Variants in PACS1 observed in about 807,000 individuals in gnomAD.
The protein encoded by PACS1 is PACS-1.
A neutral mutation model predicts 115.0 loss-of-function variants in PACS1; 24 were observed. The observed-to-expected ratio is 0.21, with a 90% CI of 0.15 to 0.29. The LOEUF (loss-of-function observed/expected upper bound fraction) is 0.29. PACS1 is among the 10% of genes least tolerant of loss of function. The probability of loss-of-function intolerance (pLI) is 1.00; values close to 1 mark genes in which losing one functional copy is unlikely to be tolerated. For missense variants in PACS1, 838 were observed against 1,251.2 expected (o/e 0.67, Z 4.98); for synonymous variants, 453 against 504.5 (o/e 0.90, Z 1.37).
intron 1 of PACS1, among the ~76,000 whole-genome samples, chr11:66,125,840 G>A (rs1267401883): frequency 2.0e-5 from 3 of 152,148 alleles, no homozygotes; most frequent in African/African-American, 7.2e-5. Flanking sequence ...GGGAGTTCAA[G>A]ACCAGCCTGG....
rs398045238 is a variant in PACS1, at chr11:66,236,765, A to ATTT, written c.2250+835_2250+837dup. Among the ~76,000 whole-genome samples the ATTT allele has an allele frequency of 5.0e-4, 74 of 147,052 alleles. No individual in the cohort carries two copies. The highest frequency in any genetic ancestry group is 7.2e-4 in the Non-Finnish European group (48 of 66,416). On this transcript the variant is annotated intron_variant, in intron 19 of 23. Coordinates refer to ENST00000320580, the MANE Select transcript of PACS1 (RefSeq NM_018026.4). The surrounding 1 kb of genome is among the most constrained non-coding windows in gnomAD (Gnocchi z 4.2). Reference sequence around the variant, plus strand: ...AAACCAGCTTCTATCTTTTTTTATTATTTTTTTTTTTTATGAGATGGAGTC... The same window carrying ATTT: ...AAACCAGCTTCTATCTTTTTTTATTATTTTTTTTTTTTTTTATGAGATGGAGTC...
chr11:66,123,516 TTTTA>T (rs906772105), intron 1 of PACS1, among the ~76,000 whole-genome samples: 5 of 151,092 alleles, frequency 3.3e-5, no homozygotes, highest in African/African-American at 4.9e-5. Flanking sequence ...TATTTTTTTA[TTTTA>T]TTTATTTATT....
chr11:66,070,863 CG>C lies in PACS1; in HGVS notation c.356+25del. The C allele has an allele frequency of 7.0e-7, 1 of 1,430,406 alleles. No individual in the cohort carries two copies. Among genetic ancestry groups the C allele is most frequent in the Non-Finnish European group, 9.1e-7 (1 of 1,101,234 alleles). 88.6% of individuals were successfully genotyped at this position (1,430,406 alleles called of 1,614,324 possible). ...CCTAGGTGAGCGCGGGAGGGTGCGG[CG>C]GGGCGCCGGGGGAGCGGGGTGGCCG... On this transcript the variant is annotated intron_variant, in intron 1 of 23. Transcript: ENST00000320580. The surrounding 1 kb of genome is among the most constrained non-coding windows in gnomAD (Gnocchi z 5.9).
chr11:66,158,449 A>G (rs767835785), intron 1 of PACS1, among the ~76,000 whole-genome samples: 13 of 152,156 alleles, frequency 8.5e-5, no homozygotes, highest in Admixed American at 2.6e-4. Context: ...TGTAATTCCA[A>G]CACTTTGGGA....
chr11:66,119,969 C>A (rs1330822102), intron 1 of PACS1, among the ~76,000 whole-genome samples: 2 of 152,082 alleles, frequency 1.3e-5, no homozygotes, highest in East Asian at 3.9e-4. Flanking sequence ...CTGGTTCTGT[C>A]CCTTTCTGCC....
chr11:66,212,846 CTTTA>C (rs1395314712), intron 4 of PACS1, among the ~76,000 whole-genome samples: 2 of 151,970 alleles, frequency 1.3e-5, no homozygotes, highest in East Asian at 3.9e-4. Context: ...TATTAATTGG[CTTTA>C]TTTATTTATT....
At chr11:66,143,790 C>T (rs1383390894) in intron 1 of PACS1, among the ~76,000 whole-genome samples, 1 of 152,104 alleles carries the variant, frequency 6.6e-6, no homozygotes, top group Non-Finnish European at 1.5e-5. Flanking sequence ...CAGGCTCACA[C>T]CACCATGCCT....
At chr11:66,185,100 G>C (rs1318534929) in intron 1 of PACS1, among the ~76,000 whole-genome samples, 3 of 152,208 alleles carry the variant, frequency 2.0e-5, no homozygotes, top group Admixed American at 6.5e-5. Flanking sequence ...TGATCCCAAA[G>C]AGAGTCAAAG....
At chr11:66,213,565 A>G (rs1463291975) in intron 4 of PACS1, among the ~76,000 whole-genome samples, 1 of 152,242 alleles carries the variant, frequency 6.6e-6, no homozygotes, top group Non-Finnish European at 1.5e-5. Flanking sequence ...CAGAGCTGAG[A>G]AAGATCTGTC....
rs996757187 is a variant in PACS1 at position 66,097,724 on chromosome 11, G to A, written c.356+26882G>A. ...GTTCCTGTTGCCCTGTATCTCCACC[G>A]ACATTTAGTGCCTGTCTTTTAGATT... is the stretch of plus-strand genomic sequence containing the variant. On this transcript the variant is annotated intron_variant, in intron 1 of 23. Transcript: ENST00000320580. Among the ~76,000 whole-genome samples the A allele has an allele frequency of 2.6e-5, 4 of 152,304 alleles. No homozygotes were observed. In the East Asian group the frequency reaches 5.8e-4, roughly 22 times the overall value.
Position 66,227,504 on chromosome 11 carries a change from A to G in PACS1, c.1294A>G (p.Met432Val). 3.8e-6 allele frequency: 6 copies of G among 1,584,374 alleles called. No homozygotes were observed. Among genetic ancestry groups the G allele is most frequent in the Non-Finnish European group, 5.2e-6 (6 of 1,155,816 alleles). The change falls in exon 11 of 24, where the codon ATG becomes GTG. Residue 432 changes from methionine (M) to valine (V), a missense_variant and splice_region_variant. Around this residue, in one of 6 missense-constraint regions of PACS1, gnomAD observed 383 missense variants for 537.0 expected, o/e 0.71. Transcript: ENST00000320580. ...GSLGKDTTSP[M>V]ELAALEKIKS... Reference sequence around the variant, plus strand: ...TAACTAATTCTTATAATTTTTGCAGATGGAATTGGCTGCTCTAGAAAAAAT... The same window carrying G: ...TAACTAATTCTTATAATTTTTGCAGGTGGAATTGGCTGCTCTAGAAAAAAT...
chr11:66,197,431 T>A (rs1180819379), intron 2 of PACS1, among the ~76,000 whole-genome samples: 2 of 152,104 alleles, frequency 1.3e-5, no homozygotes, highest in African/African-American at 4.8e-5. Context: ...GGAAAAAAAA[T>A]TTTTACTTTG....
chr11:66,137,081 G>A (rs1048488695), intron 1 of PACS1, among the ~76,000 whole-genome samples: 2 of 147,004 alleles, frequency 1.4e-5, no homozygotes, highest in East Asian at 2.0e-4. Context: ...GGTGTTTGCC[G>A]TGCAGAAGTT....
intron 10 of PACS1, among the ~76,000 whole-genome samples, chr11:66,223,322 G>T (rs917864494): frequency 6.6e-6 from 1 of 151,846 alleles, no homozygotes; most frequent in Non-Finnish European, 1.5e-5. Context: ...TCAAACTCCT[G>T]ACCTCAGGTG....
chr11:66,079,274 C>G (rs550841726), intron 1 of PACS1, among the ~76,000 whole-genome samples: 4 of 112,580 alleles, frequency 3.6e-5, no homozygotes, highest in Non-Finnish European at 7.4e-5. Context: ...TTTTGTTCCT[C>G]TTGGTAGGTG....
chr11:66,213,937 G>A (rs1386613374), intron 4 of PACS1, among the ~76,000 whole-genome samples: 1 of 149,664 alleles, frequency 6.7e-6, no homozygotes, highest in Non-Finnish European at 1.5e-5. Context: ...GGAGGCTGAG[G>A]CAGGAGAATG....
At chr11:66,073,015 T>A (rs1393998306) in intron 1 of PACS1, among the ~76,000 whole-genome samples, 3 of 152,258 alleles carry the variant, frequency 2.0e-5, no homozygotes, top group Non-Finnish European at 4.4e-5. Flanking sequence ...TATGCTAACT[T>A]GCTGTGAGAG....
chr11:66,220,876 A>G (rs1855328554), intron 9 of PACS1, 85 bp downstream of exon 9: 3 of 1,391,696 alleles, frequency 2.2e-6, no homozygotes, highest in Admixed American at 4.3e-5. Flanking sequence ...TGTCCCCTCT[A>G]TTACCAGAGA....
intron 4 of PACS1, among the ~76,000 whole-genome samples, chr11:66,214,032 C>CAAAA (rs71036278): frequency 7.0e-4 from 30 of 42,964 alleles, no homozygotes; most frequent in Admixed American, 1.0e-3. Context: ...GACTCCATCT[C>CAAAA]AAAAAAAAAA....
Sources: allele counts gnomAD v4.1 joint callset (sites outside exome capture counted in the v4.1 genomes callset), GRCh38; gene constraint gnomAD v4.1.1; regional missense constraint gnomAD v4.1.1; non-coding constraint Gnocchi (gnomAD v3.1); transcripts MANE v1.5; gene names NCBI Gene and HGNC (gene_info 2026-07-23, HGNC 2026-07-21).